COL24A1: variants seen among roughly 807,000 people sequenced by gnomAD.
COL24A1 encodes collagen alpha-1(XXIV) chain.
A neutral mutation model predicts 253.9 loss-of-function variants in COL24A1; 224 were observed. The ratio of observed to expected loss-of-function variants is 0.88; its 90% CI spans 0.79 to 0.99. The LOEUF is 0.99. Ranked by LOEUF, COL24A1 falls within the 50% of genes least tolerant of loss-of-function variation. The probability of loss-of-function intolerance (pLI) is 0.00; values close to 1 mark genes in which losing one functional copy is unlikely to be tolerated. For missense variants in COL24A1, 2,131 were observed against 2,068.5 expected (o/e 1.03, Z -0.59); for synonymous variants, 685 against 673.7 (o/e 1.02, Z -0.26).
chr1:85,945,413 T>G (rs1445053154), intron 24 of COL24A1, among the ~76,000 whole-genome samples: 2 of 151,628 alleles, frequency 1.3e-5, no homozygotes, highest in Non-Finnish European at 2.9e-5. Flanking sequence ...GTTGAAACAA[T>G]TTTATTAAAA....
At chr1:86,102,906 G>A (rs1257279853) in intron 5 of COL24A1, among the ~76,000 whole-genome samples, 1 of 152,160 alleles carries the variant, frequency 6.6e-6, no homozygotes, top group Non-Finnish European at 1.5e-5. Context: ...ATTTGATCCA[G>A]TGCTGAGTTC....
intron 37 of COL24A1, among the ~76,000 whole-genome samples, chr1:85,858,668 C>CTTCCTTCCTTCCT: frequency 6.7e-6 from 1 of 150,006 alleles, no homozygotes; most frequent in East Asian, 2.0e-4. Context: ...TCCTTCCTTC[C>CTTCCTTCCTTCCT]TTCCTTCCTT....
At chr1:85,873,685 G>A (rs1368771389) in intron 35 of COL24A1, among the ~76,000 whole-genome samples, 1 of 151,928 alleles carries the variant, frequency 6.6e-6, no homozygotes, top group Non-Finnish European at 1.5e-5. Context: ...CTGTCGTGGG[G>A]TAGGGGAGGG....
intron 55 of COL24A1, among the ~76,000 whole-genome samples, chr1:85,757,270 C>A (rs1666363285): frequency 6.6e-6 from 1 of 152,060 alleles, no homozygotes; most frequent in Non-Finnish European, 1.5e-5. Context: ...ATCCCTTAGA[C>A]CAAACTATCC....
chr1:85,842,260 T>A, intron 40 of COL24A1, 80 bp downstream of exon 40: 1 of 1,344,884 alleles, frequency 7.4e-7, no homozygotes, highest in Non-Finnish European at 1.0e-6. Flanking sequence ...AGAGATTTCA[T>A]CTTAATTTGA....
chr1:85,876,821 C>A (rs1681218717), intron 33 of COL24A1, among the ~76,000 whole-genome samples: 2 of 152,162 alleles, frequency 1.3e-5, no homozygotes, highest in Non-Finnish European at 2.9e-5. Context: ...TTCTTCTATA[C>A]AGGGCATATA....
chr1:86,036,497 T>C (rs946706731), intron 12 of COL24A1, among the ~76,000 whole-genome samples: 5 of 152,166 alleles, frequency 3.3e-5, no homozygotes, highest in African/African-American at 1.2e-4. Flanking sequence ...GGCTCCTTAT[T>C]AGACACATAA....
At chr1:85,920,328 G>T (rs181759720) in intron 24 of COL24A1, among the ~76,000 whole-genome samples, 147 of 152,298 alleles carry the variant, frequency 9.7e-4, no homozygotes, top group African/African-American at 3.4e-3. Context: ...CAAGCAGAGG[G>T]AATGTTTTGA....
chr1:85,966,551 T>A (rs1419594268), intron 22 of COL24A1, among the ~76,000 whole-genome samples: 1 of 152,140 alleles, frequency 6.6e-6, no homozygotes, highest in Admixed American at 6.6e-5. Flanking sequence ...ATCTTTGGGG[T>A]ACTCCAAAAC....
rs1665149883 is a variant in COL24A1, at chr1:85,745,807, A to C, written c.4438-301T>G. 2.6e-5 allele frequency among the ~76,000 whole-genome samples: 4 copies of C among 152,196 alleles called. No homozygotes were observed. In the South Asian group the frequency reaches 8.3e-4, roughly 31 times the overall value. ...GAAAACACACACACAAAGTTCCTCA[A>C]ATGGAAGAGAATAAAATATGATCCT... is the stretch of plus-strand genomic sequence containing the variant. On this transcript the variant is annotated intron_variant, in intron 55 of 59. Transcript: ENST00000370571.
chr1:85,941,204 A>G (rs530438482), intron 24 of COL24A1, among the ~76,000 whole-genome samples: 1 of 152,222 alleles, frequency 6.6e-6, no homozygotes, highest in East Asian at 1.9e-4. Context: ...TCACATGTAA[A>G]TTGTTAAATT....
chr1:85,817,904 G>C, intron 46 of COL24A1, 130 bp downstream of exon 46: 1 of 766,960 alleles, frequency 1.3e-6, no homozygotes, highest in Non-Finnish European at 2.2e-6. Flanking sequence ...TCCAGCATGG[G>C]TTTAATTTTT....
At chr1:85,859,723 C>T (rs577404662) in intron 37 of COL24A1, among the ~76,000 whole-genome samples, 7 of 152,228 alleles carry the variant, frequency 4.6e-5, no homozygotes, top group African/African-American at 1.2e-4. Context: ...TAACATTGCC[C>T]ACTGCAACCC....
intron 19 of COL24A1, among the ~76,000 whole-genome samples, chr1:86,013,866 C>T (rs1453291636): frequency 6.6e-6 from 1 of 151,820 alleles, no homozygotes; most frequent in Non-Finnish European, 1.5e-5. Context: ...AAACAAAAAA[C>T]CTTATCCAAA....
intron 24 of COL24A1, among the ~76,000 whole-genome samples, chr1:85,935,118 T>C (rs1335605877): frequency 6.6e-6 from 1 of 152,200 alleles, no homozygotes; most frequent in Non-Finnish European, 1.5e-5. Context: ...AACTATATCC[T>C]ATTTATTAAC....
At chr1:85,896,488 G>T in intron 28 of COL24A1, 79 bp from the exon 29 acceptor site, 2 of 1,210,422 alleles carry the variant, frequency 1.7e-6, no homozygotes, top group South Asian at 1.3e-5. Flanking sequence ...CCTCACAGAT[G>T]AACATGTTGA....
intron 7 of COL24A1, among the ~76,000 whole-genome samples, chr1:86,075,790 A>T (rs1208407990): frequency 6.6e-6 from 1 of 152,212 alleles, no homozygotes; most frequent in African/African-American, 2.4e-5. Flanking sequence ...CAATGACAAA[A>T]ACCACATGAT....
chr1:86,116,062 T>A (rs533965198), intron 3 of COL24A1, among the ~76,000 whole-genome samples: 1 of 152,354 alleles, frequency 6.6e-6, no homozygotes, highest in South Asian at 2.1e-4. Context: ...CTCCATATAA[T>A]GTTTTATGTT....
At chr1:85,997,055 G>GTGTGTGTGTGTGTGTGTA in intron 19 of COL24A1, among the ~76,000 whole-genome samples, 25 of 95,060 alleles carry the variant, frequency 2.6e-4, no homozygotes, top group Admixed American at 8.6e-4. Flanking sequence ...GTGTGTGTGT[G>GTGTGTGTGTGTGTGTGTA]TATATATATA....
Sources: allele counts gnomAD v4.1 joint callset (sites outside exome capture counted in the v4.1 genomes callset), GRCh38; gene constraint gnomAD v4.1.1; transcripts MANE v1.5; gene names NCBI Gene and HGNC (gene_info 2026-07-23, HGNC 2026-07-21).